CR1: variants seen among roughly 807,000 people sequenced by gnomAD.
CR1 encodes complement receptor type 1.
In CR1, 116 loss-of-function variants were observed where a neutral mutation model predicts 187.3. The observed-to-expected ratio is 0.62, with a 90% CI of 0.53 to 0.72. The LOEUF (loss-of-function observed/expected upper bound fraction) is 0.72, where lower values mean the gene tolerates loss of function less well. Among genes scored for constraint, CR1 ranks in the 30% least tolerant of loss-of-function variants. The pLI, the probability that CR1 is intolerant of heterozygous loss-of-function variation, is 0.00. For missense variants in CR1, 1,731 were observed against 2,110.7 expected (o/e 0.82, Z 3.52); for synonymous variants, 576 against 747.1 (o/e 0.77, Z 3.73).
chr1:207,577,724 GTGCCAC>G (rs1243560470), intron 28 of CR1, 75 bp from the exon 29 acceptor site: 1 of 1,577,064 alleles, frequency 6.3e-7, no homozygotes, highest in Non-Finnish European at 8.6e-7. Context: ...AGCCATGATT[GTGCCAC>G]TGCACTCCAG....
At chr1:207,512,867 C>G (rs1659665121) in intron 4 of CR1, among the ~76,000 whole-genome samples, 1 of 152,174 alleles carries the variant, frequency 6.6e-6, no homozygotes, top group African/African-American at 2.4e-5. Flanking sequence ...TCTGTTTCTA[C>G]TTCTGTAACC....
chr1:207,502,179 A>G (rs1659291933), intron 1 of CR1, among the ~76,000 whole-genome samples: 1 of 152,236 alleles, frequency 6.6e-6, no homozygotes, highest in Non-Finnish European at 1.5e-5. Flanking sequence ...AAAACACATC[A>G]TCTCTTGCCT....
At chr1:207,573,244 C>T (rs1158143042) in intron 27 of CR1, among the ~76,000 whole-genome samples, 4 of 152,068 alleles carry the variant, frequency 2.6e-5, no homozygotes, top group Admixed American at 6.6e-5. Context: ...AGCCAGGTAG[C>T]GAATACGGGT....
At chr1:207,497,279 T>C (rs1659118225) in intron 1 of CR1, among the ~76,000 whole-genome samples, 1 of 152,216 alleles carries the variant, frequency 6.6e-6, no homozygotes. Context: ...GCCACATCTC[T>C]TCCTTTTTCT....
At chr1:207,514,967 G>T (rs1571507586) in intron 4 of CR1, among the ~76,000 whole-genome samples, 2 of 137,424 alleles carry the variant, frequency 1.5e-5, no homozygotes, top group Admixed American at 7.5e-5. Flanking sequence ...GTAGACTTTT[G>T]GCTGAAGTAT....
chr1:207,628,745 CT>C (rs1158451400), intron 45 of CR1, among the ~76,000 whole-genome samples: 1 of 152,112 alleles, frequency 6.6e-6, no homozygotes, highest in Non-Finnish European at 1.5e-5. Context: ...AAGTATTTTC[CT>C]TTTTTCTTTC....
At chr1:207,575,194 T>A (rs1020373049) in intron 27 of CR1, among the ~76,000 whole-genome samples, 1 of 121,026 alleles carries the variant, frequency 8.3e-6, no homozygotes, top group Non-Finnish European at 1.7e-5. Context: ...TAAAATGACA[T>A]AGTATTATAC....
At chr1:207,581,565 G>T (rs767896523) in intron 31 of CR1, among the ~76,000 whole-genome samples, 37 of 151,742 alleles carry the variant, frequency 2.4e-4, no homozygotes, top group Admixed American at 5.2e-4. Flanking sequence ...TTGTATATAA[G>T]ATAAAATAAC....
intron 45 of CR1, among the ~76,000 whole-genome samples, chr1:207,628,261 T>C (rs1662539508): frequency 6.6e-6 from 1 of 152,154 alleles, no homozygotes; most frequent in African/African-American, 2.4e-5. Flanking sequence ...TCTTGGTCTC[T>C]ACTATTCTCC....
intron 46 of CR1, among the ~76,000 whole-genome samples, chr1:207,634,478 A>G (rs11118208): frequency 0.11 from 16,103 of 151,978 alleles, 2,845 homozygotes; most frequent in African/African-American, 0.36. Context: ...GGGGCGGAGT[A>G]AAGAGGCAGG....
At chr1:207,585,613 C>T (rs1223042182) in intron 33 of CR1, among the ~76,000 whole-genome samples, 3 of 152,188 alleles carry the variant, frequency 2.0e-5, no homozygotes, top group Non-Finnish European at 4.4e-5. Context: ...TGGAATATTC[C>T]ATTATCCACA....
chr1:207,525,443 G>A (rs571255350), intron 5 of CR1, among the ~76,000 whole-genome samples: 4 of 151,986 alleles, frequency 2.6e-5, no homozygotes, highest in Non-Finnish European at 4.4e-5. Context: ...AGCTGCTAGT[G>A]CTGCAGGAGC....
chr1:207,616,481 A>T, intron 40 of CR1, 94 bp from the exon 41 acceptor site: 1 of 1,392,292 alleles, frequency 7.2e-7, no homozygotes, highest in Non-Finnish European at 9.8e-7. Context: ...TCTAAAAGTT[A>T]TATTCTTTTT....
At position 207,598,601 on chromosome 1, in the gene CR1, G is replaced by T. The variant is rs1053989612; in HGVS notation, c.5811-8650G>T. Among the ~76,000 whole-genome samples the T allele has an allele frequency of 3.9e-5, 6 of 152,116 alleles. No individual in the cohort carries two copies. In the South Asian group the frequency reaches 6.2e-4, roughly 16 times the overall value. On this transcript the variant is annotated intron_variant, in intron 35 of 46. Transcript: ENST00000367049. ...CGCTGAGCTCATTTCTGTATTTATA[G>T]TAGAGACAGGGTTTCACCATGTTGG...
rs1332301171 is a variant in CR1, at chr1:207,617,507, A to ATATGTGTGTGTGTG, written c.6890-563_6890-562insATGTGTGTGTGTGT. Among the ~76,000 whole-genome samples the ATATGTGTGTGTGTG allele has an allele frequency of 9.6e-3, 453 of 46,986 alleles. 16 individuals carry two copies. Among genetic ancestry groups the ATATGTGTGTGTGTG allele is most frequent in the African/African-American group, 0.027 (418 of 15,746 alleles). 30.8% of individuals were successfully genotyped at this position (46,986 alleles called of 152,430 possible). ...AGTATATATATATATATATATATAT[A>ATATGTGTGTGTGTG]TGTGTGTGTGTGTGTGTGTGTGTGT... is the stretch of plus-strand genomic sequence containing the variant. On this transcript the variant is annotated intron_variant, in intron 41 of 46. Transcript: ENST00000367049.
chr1:207,630,546 T>G lies in CR1; in HGVS notation c.7382T>G (p.Val2461Gly), dbSNP rs372485451. The G allele has an allele frequency of 2.3e-5, 37 of 1,609,810 alleles. No individual in the cohort carries two copies. The highest frequency in any genetic ancestry group is 3.1e-5 in the Non-Finnish European group (36 of 1,178,472). The change falls in exon 46 of 47, where the codon GTG becomes GGG. Residue 2461 changes from valine (V) to glycine (G), a missense_variant. Val to Gly is a moderately radical substitution (Grantham distance 109). Around this residue, in one of 5 missense-constraint regions of CR1, gnomAD observed 1,312 missense variants for 1,379.6 expected, o/e 0.95. Coordinates refer to ENST00000367049, the MANE Select transcript of CR1 (RefSeq NM_000651.6). ...AATGCACATGAAAACCCTAAAGAAG[T>G]GGCTATCCATTTACATTCTCAAGGA... is the stretch of plus-strand genomic sequence containing the variant. Reference protein sequence around the residue: ...GNNAHENPKEVAIHLHSQGGS... With the variant: ...GNNAHENPKEGAIHLHSQGGS...
At chr1:207,594,369 C>T (rs961465913) in intron 35 of CR1, among the ~76,000 whole-genome samples, 4 of 152,076 alleles carry the variant, frequency 2.6e-5, no homozygotes, top group African/African-American at 7.2e-5. Context: ...AACCAACCAC[C>T]GCATGTTCTC....
intron 4 of CR1, among the ~76,000 whole-genome samples, chr1:207,516,820 A>G (rs1335104586): frequency 6.6e-6 from 1 of 152,164 alleles, no homozygotes; most frequent in Non-Finnish European, 1.5e-5. Context: ...TGTTAAATTT[A>G]CTTATAAATT....
At chr1:207,582,395 C>G (rs1660984490) in intron 32 of CR1, among the ~76,000 whole-genome samples, 1 of 152,112 alleles carries the variant, frequency 6.6e-6, no homozygotes, top group Admixed American at 6.5e-5. Context: ...ATTTGAGCAC[C>G]TACTATGTGC....
Sources: gnomAD v4.1 joint callset for allele counts (sites outside exome capture counted in the v4.1 genomes callset) on GRCh38, gnomAD v4.1.1 for gene constraint, gnomAD v4.1.1 regional missense constraint, MANE v1.5 for transcripts, NCBI Gene and HGNC (gene_info 2026-07-23, HGNC 2026-07-21) for gene names.